SLC44A5: variants seen among roughly 807,000 people sequenced by gnomAD.
SLC44A5 encodes choline transporter-like protein 5.
SLC44A5 carries 57 observed loss-of-function variants against 101.8 expected under a neutral mutation model. The observed-to-expected ratio is 0.56, with a 90% confidence interval of 0.45 to 0.70. The LOEUF (loss-of-function observed/expected upper bound fraction) is 0.70, where lower values mean the gene tolerates loss of function less well. Among genes scored for constraint, SLC44A5 ranks in the 30% least tolerant of loss-of-function variants. The pLI is 0.00. For missense variants in SLC44A5, 737 were observed against 853.1 expected (o/e 0.86, Z 1.70); for synonymous variants, 281 against 290.9 (o/e 0.97, Z 0.35).
At chr1:75,244,899 A>G (rs1648976890) in intron 7 of SLC44A5, among the ~76,000 whole-genome samples, 1 of 152,062 alleles carries the variant, frequency 6.6e-6, no homozygotes, top group Non-Finnish European at 1.5e-5. Flanking sequence ...AATCTTTCTC[A>G]GCCCTGACTT....
intron 7 of SLC44A5, among the ~76,000 whole-genome samples, chr1:75,250,192 CCT>C (rs1649445129): frequency 6.6e-6 from 1 of 152,020 alleles, no homozygotes; most frequent in Non-Finnish European, 1.5e-5. Flanking sequence ...CTGTTGTTCC[CCT>C]CTTTGTGTCC....
chr1:75,339,505 A>T, intron 4 of SLC44A5, 77 bp downstream of exon 4: 1 of 1,186,582 alleles, frequency 8.4e-7, no homozygotes, highest in Non-Finnish European at 1.2e-6. Context: ...ACTGACTGGA[A>T]AACAGTACCT....
chr1:75,554,627 A>T (rs1672120683), intron 1 of SLC44A5, among the ~76,000 whole-genome samples: 1 of 152,152 alleles, frequency 6.6e-6, no homozygotes, highest in African/African-American at 2.4e-5. Flanking sequence ...GGAGTTGAAG[A>T]AACAGTAGAT....
chr1:75,723,292 G>A, the SLC44A5 span, among the ~76,000 whole-genome samples: 1 of 152,154 alleles, frequency 6.6e-6, no homozygotes, highest in African/African-American at 2.4e-5. Flanking sequence ...TTGTCTCAGT[G>A]TTGATTTTTG....
At chr1:75,720,136 C>G in the SLC44A5 span, among the ~76,000 whole-genome samples, 3 of 152,194 alleles carry the variant, frequency 2.0e-5, no homozygotes, top group Non-Finnish European at 4.4e-5. Flanking sequence ...TTCTGAGTCA[C>G]CCTTTCCCTG....
intron 2 of SLC44A5, among the ~76,000 whole-genome samples, chr1:75,473,932 G>T (rs1667247242): frequency 6.6e-6 from 1 of 152,126 alleles, no homozygotes; most frequent in Admixed American, 6.5e-5. Flanking sequence ...GTGTGGTGGT[G>T]TCATAGAATA....
intron 2 of SLC44A5, among the ~76,000 whole-genome samples, chr1:75,490,394 C>G (rs1458153752): frequency 6.6e-5 from 10 of 152,124 alleles, no homozygotes. Flanking sequence ...TCTTTGCTCA[C>G]CTACAAATGG....
At chr1:75,435,533 A>G (rs534134916) in intron 2 of SLC44A5, among the ~76,000 whole-genome samples, 45 of 152,126 alleles carry the variant, frequency 3.0e-4, no homozygotes, top group African/African-American at 8.7e-4. Flanking sequence ...ACTATTCTCC[A>G]CACCTCATAT....
At chr1:75,406,633 C>A (rs1166373596) in intron 2 of SLC44A5, among the ~76,000 whole-genome samples, 1 of 152,108 alleles carries the variant, frequency 6.6e-6, no homozygotes, top group African/African-American at 2.4e-5. Flanking sequence ...TTAATAGATG[C>A]AGAAAAGGCC....
the SLC44A5 span, among the ~76,000 whole-genome samples, chr1:75,619,940 A>G: frequency 8.6e-5 from 13 of 152,024 alleles, no homozygotes; most frequent in African/African-American, 2.9e-4. Context: ...CCATCAACCC[A>G]TCATCTACAT....
intron 3 of SLC44A5, among the ~76,000 whole-genome samples, chr1:75,359,441 A>T (rs563154484): frequency 2.0e-5 from 3 of 150,822 alleles, no homozygotes; most frequent in Admixed American, 2.0e-4. Context: ...GAGTTTCACC[A>T]TATTGCCCAG....
At chr1:75,479,543 A>G (rs1167458096) in intron 2 of SLC44A5, among the ~76,000 whole-genome samples, 1 of 152,224 alleles carries the variant, frequency 6.6e-6, no homozygotes, top group African/African-American at 2.4e-5. Context: ...AATCAAATAG[A>G]TGCAATAAAA....
intron 2 of SLC44A5, among the ~76,000 whole-genome samples, chr1:75,514,155 C>G (rs1425242995): frequency 6.6e-6 from 1 of 152,162 alleles, no homozygotes; most frequent in Non-Finnish European, 1.5e-5. Context: ...CCCCTTGTCA[C>G]TATTAATATA....
At chr1:75,486,351 G>C (rs955391907) in intron 2 of SLC44A5, among the ~76,000 whole-genome samples, 4 of 151,886 alleles carry the variant, frequency 2.6e-5, no homozygotes, top group African/African-American at 9.7e-5. Context: ...TGTGTGTAGA[G>C]GGAGTGATAT....
At chr1:75,573,069 G>A (rs761930336) in intron 1 of SLC44A5, among the ~76,000 whole-genome samples, 1 of 130,800 alleles carries the variant, frequency 7.6e-6, no homozygotes, top group African/African-American at 3.0e-5. Flanking sequence ...GTTGCAGTGA[G>A]CTTAGATTGC....
chr1:75,578,826 T>C (rs1673519814), intron 1 of SLC44A5, among the ~76,000 whole-genome samples: 2 of 152,212 alleles, frequency 1.3e-5, no homozygotes, highest in African/African-American at 4.8e-5. Context: ...ACAGATATGT[T>C]ATCAGGCTTG....
In SLC44A5 at chr1:75,410,987, G is replaced by A. The variant is rs1663239566; in HGVS notation, c.14-14366C>T. On this transcript the variant is annotated intron_variant, in intron 2 of 23. Transcript: ENST00000370859. ...TCTCTTGAGGTAGTGATAGTGCATG[G>A]GGTGTAATCATAGTAAGACATGGGG... Among the ~76,000 whole-genome samples the A allele has an allele frequency of 1.3e-5, 2 of 152,026 alleles. 1 individual carries two copies. Among genetic ancestry groups the A allele is most frequent in the South Asian group, 4.2e-4 (2 of 4,816 alleles).
chr1:75,723,534 G>A, the SLC44A5 span: 1 of 152,146 alleles, frequency 6.6e-6, no homozygotes, highest in East Asian at 1.9e-4. Context: ...GGTTACAATA[G>A]GCATATGGGT....
chr1:75,634,908 A>G, the SLC44A5 span, among the ~76,000 whole-genome samples: 2 of 152,162 alleles, frequency 1.3e-5, no homozygotes, highest in African/African-American at 2.4e-5. Flanking sequence ...CAACTTACTC[A>G]TCTGACAAAG....
Sources: gnomAD v4.1 joint callset for allele counts (sites outside exome capture counted in the v4.1 genomes callset) on GRCh38, gnomAD v4.1.1 for gene constraint, MANE v1.5 for transcripts, NCBI Gene and HGNC (gene_info 2026-07-23, HGNC 2026-07-21) for gene names.